UNC13C: variants seen among roughly 807,000 people sequenced by gnomAD.
UNC13C encodes unc-13 homolog C, also known as protein unc-13 homolog C.
A neutral mutation model predicts 245.4 loss-of-function variants in UNC13C; 174 were observed. That is an observed-to-expected ratio of 0.71 (90% CI 0.63 to 0.80). UNC13C has a LOEUF of 0.80. Among genes scored for constraint, UNC13C ranks in the 30% least tolerant of loss-of-function variants. The probability of loss-of-function intolerance (pLI) is 0.00; values close to 1 mark genes in which losing one functional copy is unlikely to be tolerated. For synonymous variants in UNC13C, 992 were observed against 895.1 expected (o/e 1.11, Z -1.93); for missense variants, 2,829 against 2,602.9 (o/e 1.09, Z -1.89).
Position 53,988,599 on chromosome 15 carries a change from G to A in UNC13C, c.-257+9672G>A, listed in dbSNP as rs561984303. ...TTTAGTATTGCAACAGGAATGGTCT[G>A]CTAGGGAGGATTTGGAAGTACATTC... On this transcript the variant is annotated intron_variant, in intron 1 of 32. Transcript: ENST00000260323. Among the ~76,000 whole-genome samples the A allele has an allele frequency of 3.9e-5, 6 of 151,962 alleles. No homozygotes were observed. In the South Asian group the frequency reaches 1.0e-3, roughly 26 times the overall value.
rs531749555 is a variant in UNC13C at position 54,243,467 on chromosome 15, A to G, written c.3228+5777A>G. Among the ~76,000 whole-genome samples the G allele has an allele frequency of 7.9e-5, 12 of 152,256 alleles. No individual in the cohort carries two copies. In the East Asian group the frequency reaches 2.3e-3, roughly 29 times the overall value. On this transcript the variant is annotated intron_variant, in intron 7 of 32. Transcript: ENST00000260323. ...ACATCTGCATGCATGTATCTTTACA[A>G]CAGAATGATTTACATTCCTTTGGGT...
rs918692049 is a variant in UNC13C at position 53,998,472 on chromosome 15, T to C, written c.-256-14176T>C. 4.5e-4 allele frequency among the ~76,000 whole-genome samples: 68 copies of C among 152,170 alleles called. 1 individual carries two copies. The highest frequency in any genetic ancestry group is 4.2e-3 in the Admixed American group (64 of 15,276). On this transcript the variant is annotated intron_variant, in intron 1 of 32. Transcript: ENST00000260323. ...TAATTTATCTATACTGAGCTTATGT[T>C]CTGTGAGCTTGCCAAATTTAGTTTT...
chr15:54,628,517 C>T lies in UNC13C; in HGVS notation c.*1404C>T, dbSNP rs9920139. On this transcript the variant is annotated 3_prime_UTR_variant, in exon 33 of 33. Transcript: ENST00000260323. ...TAATTCATGTTAAACTGTTAGGCCA[C>T]TGCTTTGTTAATGACTCCTCTAAAT... 30,081 of 152,536 alleles carry T rather than the reference C, an allele frequency of 0.2. 3,647 individuals are homozygous for T. The highest frequency in any genetic ancestry group is 0.33 in the African/African-American group (13,707 of 41,468). 9.4% of individuals were successfully genotyped at this position (152,536 alleles called of 1,614,324 possible). A position where few individuals can be genotyped will look rare whatever the true frequency, so the allele number is the denominator to read the frequency against.
chr15:53,912,200 T>C, the UNC13C span: 5 of 152,212 alleles, frequency 3.3e-5, no homozygotes, highest in Non-Finnish European at 7.3e-5. Flanking sequence ...TTCTGAAGAA[T>C]GCCCAAGGAG....
chr15:54,552,233 ATATT>A (rs1209594283), intron 28 of UNC13C, among the ~76,000 whole-genome samples: 4 of 137,016 alleles, frequency 2.9e-5, no homozygotes, highest in African/African-American at 1.1e-4. Flanking sequence ...GGTGTAATAT[ATATT>A]ATATATAATT....
chr15:53,873,742 A>ACTCTTTTT, the UNC13C span, among the ~76,000 whole-genome samples: 37 of 152,242 alleles, frequency 2.4e-4, no homozygotes, highest in South Asian at 4.2e-4. Flanking sequence ...AAGACACACA[A>ACTCTTTTT]CTATGTTGCC....
chr15:54,427,676 A>G (rs957629138), intron 19 of UNC13C, among the ~76,000 whole-genome samples: 1 of 151,838 alleles, frequency 6.6e-6, no homozygotes, highest in Admixed American at 6.6e-5. Context: ...AATTTTACAT[A>G]ATAATTAACC....
the UNC13C span, among the ~76,000 whole-genome samples, chr15:53,967,029 T>C: frequency 6.6e-6 from 1 of 152,196 alleles, no homozygotes; most frequent in Non-Finnish European, 1.5e-5. Flanking sequence ...ATATTGCTTC[T>C]ATTTCTAATT....
chr15:53,900,927 TC>T, the UNC13C span, among the ~76,000 whole-genome samples: 1 of 152,132 alleles, frequency 6.6e-6, no homozygotes, highest in African/African-American at 2.4e-5. Flanking sequence ...TTTTTTTCCC[TC>T]CTTTTCAACA....
chr15:53,909,568 A>T, the UNC13C span, among the ~76,000 whole-genome samples: 3 of 146,304 alleles, frequency 2.1e-5, no homozygotes, highest in African/African-American at 7.3e-5. Flanking sequence ...CCTGGCCAAC[A>T]TAGTGAAACC....
chr15:54,266,801 C>T (rs1410915770), intron 10 of UNC13C, among the ~76,000 whole-genome samples: 1 of 152,042 alleles, frequency 6.6e-6, no homozygotes, highest in Non-Finnish European at 1.5e-5. Flanking sequence ...AAAGTCATCC[C>T]TTCTGACTTC....
At chr15:53,921,405 C>G in the UNC13C span, among the ~76,000 whole-genome samples, 3 of 152,108 alleles carry the variant, frequency 2.0e-5, no homozygotes, top group South Asian at 6.2e-4. Context: ...ACATCTGTAA[C>G]TTTATGTCAG....
At chr15:54,404,107 A>T (rs572331578) in intron 18 of UNC13C, among the ~76,000 whole-genome samples, 6 of 152,318 alleles carry the variant, frequency 3.9e-5, no homozygotes, top group African/African-American at 1.4e-4. Context: ...TTTATAATGT[A>T]AAAAGGGCAC....
At chr15:54,092,330 A>T (rs1345642395) in intron 2 of UNC13C, among the ~76,000 whole-genome samples, 2 of 152,206 alleles carry the variant, frequency 1.3e-5, no homozygotes. Flanking sequence ...ATAGGGTCAC[A>T]AAGCATATTC....
At chr15:54,214,661 T>G (rs1180369896) in intron 4 of UNC13C, among the ~76,000 whole-genome samples, 1 of 151,992 alleles carries the variant, frequency 6.6e-6, no homozygotes, top group East Asian at 1.9e-4. Flanking sequence ...GAAATGTAGT[T>G]TCTTTGCTGT....
chr15:54,270,279 G>T (rs1026718546), intron 10 of UNC13C, among the ~76,000 whole-genome samples: 1 of 152,134 alleles, frequency 6.6e-6, no homozygotes, highest in Admixed American at 6.5e-5. Context: ...CATCACAGAT[G>T]AACTCATCCA....
intron 10 of UNC13C, among the ~76,000 whole-genome samples, chr15:54,292,020 T>A (rs2037311120): frequency 6.6e-6 from 1 of 152,020 alleles, no homozygotes; most frequent in African/African-American, 2.4e-5. Context: ...TGCACACTGA[T>A]ACAAATACTA....
intron 2 of UNC13C, among the ~76,000 whole-genome samples, chr15:54,077,047 T>C (rs1898664119): frequency 1.3e-5 from 2 of 152,182 alleles, no homozygotes. Context: ...TGGTTAATTA[T>C]TGGTTAAACT....
At chr15:54,058,061 C>A (rs148940505) in intron 2 of UNC13C, among the ~76,000 whole-genome samples, 31 of 152,044 alleles carry the variant, frequency 2.0e-4, no homozygotes, top group African/African-American at 7.2e-4. Context: ...AGTAGAGAAC[C>A]AAGAGCAAAC....
Sources: allele counts gnomAD v4.1 joint callset (sites outside exome capture counted in the v4.1 genomes callset), GRCh38; gene constraint gnomAD v4.1.1; transcripts MANE v1.5; gene names NCBI Gene and HGNC (gene_info 2026-07-23, HGNC 2026-07-21).